SYTL2: variants seen among roughly 807,000 people sequenced by gnomAD.
SYTL2 encodes the protein synaptotagmin-like protein 2.
SYTL2 carries 165 observed loss-of-function variants against 198.7 expected under a neutral mutation model. The ratio of observed to expected loss-of-function variants is 0.83; its 90% CI spans 0.73 to 0.94. The LOEUF (loss-of-function observed/expected upper bound fraction) is 0.94, where lower values mean the gene tolerates loss of function less well. Ranked by LOEUF, SYTL2 falls within the 40% of genes least tolerant of loss-of-function variation. SYTL2 has a pLI of 0.00. For synonymous variants in SYTL2, 966 were observed against 917.7 expected (o/e 1.05, Z -0.95); for missense variants, 2,835 against 2,582.8 (o/e 1.10, Z -2.12).
intron 4 of SYTL2, among the ~76,000 whole-genome samples, chr11:85,742,192 T>G (rs2090846181): frequency 6.6e-6 from 1 of 152,196 alleles, no homozygotes; most frequent in Non-Finnish European, 1.5e-5. Context: ...GGCTACCTCC[T>G]GCAGTCTAGT....
chr11:85,757,871 G>C lies in SYTL2; in HGVS notation c.-146C>G. The C allele has an allele frequency of 8.0e-7, 1 of 1,243,474 alleles. No homozygotes were observed. Among genetic ancestry groups the C allele is most frequent in the South Asian group, 1.5e-5 (1 of 68,420 alleles). 77.0% of individuals were successfully genotyped at this position (1,243,474 alleles called of 1,614,324 possible). On this transcript the variant is annotated 5_prime_UTR_variant, in exon 2 of 20. Coordinates refer to ENST00000359152, the MANE Select transcript of SYTL2 (RefSeq NM_206927.4). ...TGCATCAAAGTCTTATTTTGGCTCA[G>C]CAAAAGTTTAGGGCAGCTGATAGCA...
chr11:85,713,780 T>G (rs539986398), intron 12 of SYTL2, among the ~76,000 whole-genome samples: 14 of 152,328 alleles, frequency 9.2e-5, no homozygotes, highest in Non-Finnish European at 2.1e-4. Flanking sequence ...ATTATAGTCA[T>G]GTGCTTTCTT....
chr11:85,821,416 G>A, the SYTL2 span, among the ~76,000 whole-genome samples: 4 of 152,162 alleles, frequency 2.6e-5, no homozygotes, highest in Non-Finnish European at 5.9e-5. Context: ...TTTTAAAAGA[G>A]GAATAACAGG....
intron 4 of SYTL2, among the ~76,000 whole-genome samples, chr11:85,739,506 G>A (rs1187726575): frequency 2.0e-5 from 3 of 151,980 alleles, no homozygotes; most frequent in African/African-American, 7.3e-5. Flanking sequence ...CTGCTTAATA[G>A]GAAAAAATTA....
chr11:85,842,934 A>ACTGCTCAACAAATAGTAGCTGC, the SYTL2 span, among the ~76,000 whole-genome samples: 11 of 152,216 alleles, frequency 7.2e-5, no homozygotes, highest in African/African-American at 2.7e-4. Flanking sequence ...CTCAACAAAT[A>ACTGCTCAACAAATAGTAGCTGC]TCATCCAAAA....
chr11:85,780,096 G>A (rs1316803247), intron 1 of SYTL2, among the ~76,000 whole-genome samples: 2 of 152,214 alleles, frequency 1.3e-5, no homozygotes, highest in Non-Finnish European at 2.9e-5. Context: ...TCAGGCCACA[G>A]CAGAATTTGT....
intron 4 of SYTL2, among the ~76,000 whole-genome samples, chr11:85,739,226 A>T (rs2090594611): frequency 6.6e-6 from 1 of 150,408 alleles, no homozygotes; most frequent in South Asian, 2.1e-4. Context: ...CAGGAGAAGC[A>T]GCAACAGATA....
chr11:85,726,907 A>T lies in SYTL2; in HGVS notation c.2451T>A (p.Cys817Ter). ...KITHEKPTSS[C>*]SQEQPSAKAY... ...CTTTAGCAGAAGGTTGTTCCTGGCT[A>T]CATGAAGATGTGGGTTTTTCATGAG... The change falls in exon 8 of 20, where the codon TGT (cysteine) becomes TGA (stop). Residue 817 changes from cysteine to a stop codon, truncating the protein, a stop_gained. Transcript: ENST00000359152. LOFTEE classifies it high-confidence loss of function. 6.5e-7 allele frequency: 1 copy of T among 1,536,574 alleles called. No individual in the cohort carries two copies. The highest frequency in any genetic ancestry group is 8.7e-7 in the Non-Finnish European group (1 of 1,146,958).
Position 85,724,314 on chromosome 11 carries a change from G to C in SYTL2, c.5044C>G (p.Pro1682Ala), listed in dbSNP as rs73502601. The change falls in exon 8 of 20, where the codon CCA becomes GCA. Residue 1682 changes from proline (P) to alanine (A), a missense_variant. By Grantham distance (27) the Pro-to-Ala change is conservative (BLOSUM62 -1). Around this residue, in one of 3 missense-constraint regions of SYTL2, gnomAD observed 2,645 missense variants for 2,381.7 expected, o/e 1.11. Coordinates refer to ENST00000359152, the MANE Select transcript of SYTL2 (RefSeq NM_206927.4). ...EIGTIKTVTP[P>A]EDRDSESGVA... ...CCACTTTCACTGTCCCTGTCCTCTG[G>C]GGGGGTTACAGTTTTAATGGTCCCT... 18 of 1,578,160 alleles carry C rather than the reference G, an allele frequency of 1.1e-5. No individual in the cohort carries two copies. Among genetic ancestry groups the C allele is most frequent in the African/African-American group, 6.8e-5 (5 of 73,314 alleles).
At chr11:85,818,470 G>A in the SYTL2 span, among the ~76,000 whole-genome samples, 10 of 145,498 alleles carry the variant, frequency 6.9e-5, no homozygotes, top group African/African-American at 2.0e-4. Context: ...CACAGACAAC[G>A]TAAGTAAAAA....
At chr11:85,853,148 C>G in the SYTL2 span, 3 of 322,474 alleles carry the variant, frequency 9.3e-6, no homozygotes, top group African/African-American at 7.0e-5. Context: ...GCCGCCACCC[C>G]GTCTGGGAGG....
chr11:85,718,930 T>C, intron 9 of SYTL2, 87 bp from the exon 10 acceptor site: 2 of 1,562,820 alleles, frequency 1.3e-6, no homozygotes, highest in Admixed American at 1.9e-5. Context: ...GCCCCCGGAG[T>C]TGGAAGCAAT....
chr11:85,800,805 C>T (rs972800606), intron 1 of SYTL2, among the ~76,000 whole-genome samples: 1 of 152,174 alleles, frequency 6.6e-6, no homozygotes, highest in African/African-American at 2.4e-5. Context: ...ACCGGTAGAG[C>T]CACGTCTCCT....
intron 1 of SYTL2, among the ~76,000 whole-genome samples, chr11:85,771,979 T>C (rs1161802659): frequency 2.0e-5 from 3 of 152,214 alleles, no homozygotes; most frequent in Admixed American, 6.5e-5. Context: ...CTCAGCTCAC[T>C]GCAAACTCCG....
intron 14 of SYTL2, chr11:85,708,032 G>A: frequency 2.8e-6 from 1 of 359,624 alleles, no homozygotes; most frequent in Non-Finnish European, 5.4e-6. Flanking sequence ...GTGTGGTGAT[G>A]CATGCCTGTA....
intron 1 of SYTL2, among the ~76,000 whole-genome samples, chr11:85,791,969 G>A (rs2092736854): frequency 6.6e-6 from 1 of 152,078 alleles, no homozygotes; most frequent in Admixed American, 6.5e-5. Context: ...ACCTTGATGA[G>A]CTGACCATCT....
In SYTL2 at chr11:85,737,603, G is replaced by C; in HGVS notation, c.443C>G (p.Thr148Arg). The C allele has an allele frequency of 6.2e-7, 1 of 1,613,906 alleles. No individual in the cohort carries two copies. The highest frequency in any genetic ancestry group is 8.5e-7 in the Non-Finnish European group (1 of 1,179,838). Residue 148 changes from threonine (T) to arginine (R), a missense_variant, in exon 5 of 20, where the codon ACA becomes AGA. Around this residue, in one of 3 missense-constraint regions of SYTL2, gnomAD observed 2,645 missense variants for 2,381.7 expected, o/e 1.11. Coordinates refer to ENST00000359152, the MANE Select transcript of SYTL2 (RefSeq NM_206927.4). ...CTCTGGAGACACATTTGGTTTCCTT[G>C]TGTTTTCCTGGGACATATCAATCAC... Reference protein sequence around the residue: ...SSVIDMSQENTRKPNVSPEKQ... With the variant: ...SSVIDMSQENRRKPNVSPEKQ...
the SYTL2 span, chr11:85,852,704 G>T: frequency 8.9e-6 from 2 of 223,544 alleles, no homozygotes; most frequent in Non-Finnish European, 1.8e-5. Context: ...GGAGTGCAGT[G>T]GCATGATCAC....
chr11:85,797,742 T>C (rs908863853), intron 1 of SYTL2, among the ~76,000 whole-genome samples: 1 of 152,206 alleles, frequency 6.6e-6, no homozygotes, highest in African/African-American at 2.4e-5. Flanking sequence ...TCTGTGTTTA[T>C]ACACAGCTTC....
Sources: gnomAD v4.1 joint callset for allele counts (sites outside exome capture counted in the v4.1 genomes callset) on GRCh38, gnomAD v4.1.1 for gene constraint, gnomAD v4.1.1 regional missense constraint, MANE v1.5 for transcripts, NCBI Gene and HGNC (gene_info 2026-07-23, HGNC 2026-07-21) for gene names.